RIMS2: variants seen among roughly 807,000 people sequenced by gnomAD.
RIMS2 encodes the protein regulating synaptic membrane exocytosis 2.
RIMS2 carries 59 observed loss-of-function variants against 174.4 expected under a neutral mutation model. That is an observed-to-expected ratio of 0.34 (90% confidence interval 0.27 to 0.42). RIMS2 has a LOEUF of 0.42. Ranked by LOEUF, RIMS2 falls within the 10% of genes least tolerant of loss-of-function variation. The pLI, the probability that RIMS2 is intolerant of heterozygous loss-of-function variation, is 1.00. For missense variants in RIMS2, 1,620 were observed against 1,666.3 expected, an observed-to-expected ratio of 0.97 and a Z score of 0.48; for synonymous variants, 606 against 572.5, an observed-to-expected ratio of 1.06 and a Z score of -0.84.
At chr8:103,677,546 C>T (rs1012387370) in intron 1 of RIMS2, among the ~76,000 whole-genome samples, 1 of 152,162 alleles carries the variant, frequency 6.6e-6, no homozygotes, top group African/African-American at 2.4e-5. Flanking sequence ...CGAGAGAGAA[C>T]TTACCCACAG....
chr8:104,182,472 A>G (rs906668806), intron 19 of RIMS2, among the ~76,000 whole-genome samples: 1 of 151,680 alleles, frequency 6.6e-6, no homozygotes, highest in African/African-American at 2.4e-5. Flanking sequence ...ACAATTTTAG[A>G]ACACCTTTAT....
intron 1 of RIMS2, among the ~76,000 whole-genome samples, chr8:103,678,665 AG>A: frequency 6.6e-6 from 1 of 151,822 alleles, no homozygotes; most frequent in Non-Finnish European, 1.5e-5. Flanking sequence ...TATTTATTGG[AG>A]GTCCTTAATC....
intron 3 of RIMS2, chr8:103,819,048 T>A (rs2098735046): frequency 5.0e-6 from 1 of 200,270 alleles, no homozygotes; most frequent in African/African-American, 2.4e-5. Flanking sequence ...TTTCTCTTAC[T>A]CTTACCCAGT....
intron 22 of RIMS2, 52 bp downstream of exon 28, chr8:104,249,640 A>C: frequency 9.6e-7 from 1 of 1,037,064 alleles, no homozygotes; most frequent in Non-Finnish European, 1.5e-6. Flanking sequence ...TATTGTTTCA[A>C]TTTAGAGACC....
intron 1 of RIMS2, among the ~76,000 whole-genome samples, chr8:103,668,722 C>G (rs1472445245): frequency 6.6e-6 from 1 of 151,106 alleles, no homozygotes. Flanking sequence ...GCTCTGTCAC[C>G]TAGGCTGGAG....
In RIMS2 at chr8:103,716,291, C is replaced by T. The variant is rs2097367323; in HGVS notation, c.387+18995C>T. ...TTTTCTGTCTTTTCTAACTTGCTTTCGTGGATATTCACTCCAGGAGGACAA... is the reference window on the plus strand; with the variant it reads ...TTTTCTGTCTTTTCTAACTTGCTTTTGTGGATATTCACTCCAGGAGGACAA... On this transcript the variant is annotated intron_variant, in intron 2 of 23. Transcript: ENST00000504942. 6.6e-6 allele frequency: 1 copy of T among 151,808 alleles called. No individual in the cohort carries two copies. Among genetic ancestry groups the T allele is most frequent in the African/African-American group, 2.4e-5 (1 of 41,372 alleles). The allele number at this position is 151,808 out of a possible 1,614,324, so 9.4% of individuals were successfully genotyped here. A position where few individuals can be genotyped will look rare whatever the true frequency, so the allele number is the denominator to read the frequency against.
At chr8:103,789,771 T>TTTTTTTTTTA (rs2098479552) in intron 3 of RIMS2, among the ~76,000 whole-genome samples, 1 of 100,678 alleles carries the variant, frequency 9.9e-6, no homozygotes, top group African/African-American at 4.3e-5. Flanking sequence ...TTTTTTTTTT[T>TTTTTTTTTTA]GAGACAGGGT....
chr8:104,243,249 A>G (rs2099311668), intron 19 of RIMS2, among the ~76,000 whole-genome samples: 1 of 152,192 alleles, frequency 6.6e-6, no homozygotes, highest in Non-Finnish European at 1.5e-5. Context: ...TACTCTTTAA[A>G]GCATTTTGGT....
At chr8:103,914,304 T>C (rs78594820) in intron 6 of RIMS2, among the ~76,000 whole-genome samples, 1 of 152,300 alleles carries the variant, frequency 6.6e-6, no homozygotes, top group Non-Finnish European at 1.5e-5. Context: ...AAGTCTTGGC[T>C]TCAATTCCAA....
At chr8:103,663,656 T>G (rs1323560759) in intron 1 of RIMS2, among the ~76,000 whole-genome samples, 1 of 152,198 alleles carries the variant, frequency 6.6e-6, no homozygotes, top group Non-Finnish European at 1.5e-5. Context: ...TGGAAGAATA[T>G]TCCATGCTCA....
At chr8:103,757,553 A>C (rs555739794) in intron 2 of RIMS2, among the ~76,000 whole-genome samples, 65 of 152,210 alleles carry the variant, frequency 4.3e-4, no homozygotes, top group Admixed American at 4.3e-3. Flanking sequence ...ATTTTACTTT[A>C]ATTTTGTCTA....
intron 2 of RIMS2, among the ~76,000 whole-genome samples, chr8:103,708,948 A>T (rs2097267284): frequency 6.6e-6 from 1 of 151,952 alleles, no homozygotes; most frequent in Admixed American, 6.6e-5. Context: ...CAGCTCACTT[A>T]TGTTCTTTCC....
At chr8:104,026,655 A>G (rs1328382764) in intron 19 of RIMS2, among the ~76,000 whole-genome samples, 1 of 152,198 alleles carries the variant, frequency 6.6e-6, no homozygotes, top group Non-Finnish European at 1.5e-5. Context: ...AGGGGGAAAA[A>G]TAAAAACAAA....
chr8:103,647,549 G>A (rs190682681), intron 1 of RIMS2, among the ~76,000 whole-genome samples: 35 of 152,218 alleles, frequency 2.3e-4, no homozygotes, highest in Admixed American at 1.9e-3. Flanking sequence ...AATCCATCTC[G>A]TCCTGGGCTT....
At chr8:104,255,816 G>A (rs1057471810), downstream of RIMS2, 2 of 152,022 alleles carry the variant, frequency 1.3e-5, no homozygotes, top group Admixed American at 1.3e-4. Context: ...TCTGGACTGT[G>A]AAATGTGTAT....
chr8:104,129,011 C>T (rs1447179193), intron 19 of RIMS2, among the ~76,000 whole-genome samples: 1 of 152,160 alleles, frequency 6.6e-6, no homozygotes, highest in Non-Finnish European at 1.5e-5. Context: ...TTATGCCTTA[C>T]ATCTTGACTT....
intron 19 of RIMS2, chr8:104,094,732 A>G (rs576466940): frequency 3.1e-4 from 206 of 668,412 alleles, no homozygotes; most frequent in Non-Finnish European, 4.8e-4. Context: ...GATACCAGGT[A>G]AAATATGTTA....
chr8:104,073,667 T>C (rs1015286337), intron 19 of RIMS2, among the ~76,000 whole-genome samples: 3 of 152,160 alleles, frequency 2.0e-5, no homozygotes, highest in Non-Finnish European at 4.4e-5. Flanking sequence ...CATAATATAA[T>C]AGATTGGGTT....
At chr8:104,142,136 T>C (rs921847844) in intron 19 of RIMS2, among the ~76,000 whole-genome samples, 2 of 149,988 alleles carry the variant, frequency 1.3e-5, no homozygotes, top group African/African-American at 5.0e-5. Flanking sequence ...TTTTTTTTTT[T>C]TCTTTTTGCG....
Sources: gnomAD v4.1 joint callset for allele counts (sites outside exome capture counted in the v4.1 genomes callset) on GRCh38, gnomAD v4.1.1 for gene constraint, MANE v1.5 for transcripts, NCBI Gene and HGNC (gene_info 2026-07-23, HGNC 2026-07-21) for gene names.